Variants in CDC42BPA observed in about 807,000 individuals in gnomAD.
The protein encoded by CDC42BPA is CDC42 binding protein kinase alpha.
CDC42BPA carries 80 observed loss-of-function variants against 223.5 expected under a neutral mutation model. That is an observed-to-expected ratio of 0.36 (90% confidence interval 0.30 to 0.43). The LOEUF (loss-of-function observed/expected upper bound fraction) is 0.43, where lower values mean the gene tolerates loss of function less well. CDC42BPA is among the 20% of genes least tolerant of loss of function. CDC42BPA has a pLI of 1.00. For missense variants in CDC42BPA, 1,743 were observed against 2,099.9 expected, an observed-to-expected ratio of 0.83 and a Z score of 3.32; for synonymous variants, 694 against 718.6, an observed-to-expected ratio of 0.97 and a Z score of 0.55.
intron 21 of CDC42BPA, among the ~76,000 whole-genome samples, chr1:227,055,061 T>C (rs1406548988): frequency 6.6e-6 from 1 of 151,950 alleles, no homozygotes; most frequent in Non-Finnish European, 1.5e-5. Context: ...AACCTATGAA[T>C]ATAATAATTA....
rs183929759 is a variant in CDC42BPA at position 227,038,247 on chromosome 1, G to A, written c.3199+1884C>T. On this transcript the variant is annotated intron_variant, in intron 24 of 36. Coordinates refer to ENST00000366766, the MANE Select transcript of CDC42BPA (RefSeq NM_001394014.1). ...TCTCTTGCCTGCCGACATGTAAGAC[G>A]TGACTTTGCTCCTCTTTCACCTTCC... Among the ~76,000 whole-genome samples, 57 of 152,270 alleles carry A rather than the reference G, an allele frequency of 3.7e-4. No individual in the cohort carries two copies. In the South Asian group the frequency reaches 8.3e-3, roughly 22 times the overall value.
chr1:227,243,690 TTAAGAA>T (rs1311167541), intron 2 of CDC42BPA, among the ~76,000 whole-genome samples: 3 of 151,818 alleles, frequency 2.0e-5, no homozygotes, highest in African/African-American at 7.3e-5. Flanking sequence ...TCCATTAACA[TTAAGAA>T]TTTCTGTTCA....
intron 1 of CDC42BPA, among the ~76,000 whole-genome samples, chr1:227,276,237 G>A (rs1422032439): frequency 1.3e-5 from 2 of 148,400 alleles, no homozygotes; most frequent in African/African-American, 5.0e-5. Flanking sequence ...TGTGAGGAGC[G>A]CCTCTGCCCG....
At chr1:227,245,292 T>G in intron 2 of CDC42BPA, among the ~76,000 whole-genome samples, 1 of 105,502 alleles carries the variant, frequency 9.5e-6, no homozygotes, top group South Asian at 2.6e-4. Context: ...ATCTTTTTTT[T>G]TTTTTTTTTT....
At chr1:227,027,530 C>G (rs923671343) in intron 30 of CDC42BPA, among the ~76,000 whole-genome samples, 1 of 152,170 alleles carries the variant, frequency 6.6e-6, no homozygotes, top group South Asian at 2.1e-4. Flanking sequence ...ATGTAGTTCC[C>G]TAGGGTTTTT....
intron 6 of CDC42BPA, among the ~76,000 whole-genome samples, chr1:227,150,739 G>C (rs867431946): frequency 2.6e-5 from 4 of 151,604 alleles, no homozygotes; most frequent in Non-Finnish European, 5.9e-5. Flanking sequence ...AAAGAGGCAG[G>C]AGTAACCACC....
chr1:227,201,601 T>C (rs1671767911), intron 3 of CDC42BPA, among the ~76,000 whole-genome samples: 1 of 152,180 alleles, frequency 6.6e-6, no homozygotes, highest in Admixed American at 6.5e-5. Flanking sequence ...GTGCAGAGGT[T>C]ACCATTATTA....
At chr1:227,202,993 C>T (rs6695072) in intron 3 of CDC42BPA, among the ~76,000 whole-genome samples, 104,512 of 151,946 alleles carry the variant, frequency 0.69, 36,133 homozygotes, top group South Asian at 0.73. Context: ...AAATTTCAAA[C>T]GTATACAAGG....
chr1:227,193,235 AAT>A (rs1491257271), intron 5 of CDC42BPA, among the ~76,000 whole-genome samples: 5 of 74,892 alleles, frequency 6.7e-5, no homozygotes, highest in Non-Finnish European at 1.6e-4. Context: ...ACGCCCGGCT[AAT>A]TTTTTTTTGT....
rs1403422553 is a variant in CDC42BPA, at chr1:227,003,617, T to C, written c.4975+1377A>G. ...TACATTTCTCTCATTTTGAGGTAAGTAGCCTTTAGCATCTTTGTATAATTT... is the reference window on the plus strand; with the variant it reads ...TACATTTCTCTCATTTTGAGGTAAGCAGCCTTTAGCATCTTTGTATAATTT... On this transcript the variant is annotated intron_variant, in intron 35 of 36. Coordinates refer to ENST00000366766, the MANE Select transcript of CDC42BPA (RefSeq NM_001394014.1). 3.9e-5 allele frequency among the ~76,000 whole-genome samples: 6 copies of C among 152,194 alleles called. No individual in the cohort carries two copies. The East Asian group carries it at 1.2e-3, about 29-fold the overall frequency.
intron 21 of CDC42BPA, chr1:227,068,820 T>C (rs768936667): frequency 2.2e-5 from 5 of 223,798 alleles, no homozygotes; most frequent in Non-Finnish European, 4.6e-5. Context: ...TTCAAATAAA[T>C]AAATGAGAAA....
Position 227,029,222 on chromosome 1 carries a change from C to A in CDC42BPA, c.3867G>T (p.Lys1289Asn). 1 of 1,586,926 alleles carries A rather than the reference C, an allele frequency of 6.3e-7. No homozygotes were observed. The highest frequency in any genetic ancestry group is 1.1e-5 in the South Asian group (1 of 89,706). ...TTGGAATGAGTTCAATCTGATGAAT[C>A]TTCTTATTGTCACCAACTCTAATAA... is the stretch of plus-strand genomic sequence containing the variant. Reference protein sequence around the residue: ...DEIIRVGDNKKIHQIELIPND... With the variant: ...DEIIRVGDNKNIHQIELIPND... The change falls in exon 30 of 37, where the codon AAG becomes AAT. Residue 1289 changes from lysine (K) to asparagine (N), a missense_variant. Lys to Asn is a moderately conservative substitution (Grantham distance 94, BLOSUM62 0). Around this residue, in one of 6 missense-constraint regions of CDC42BPA, gnomAD observed 678 missense variants for 777.5 expected, o/e 0.87. Coordinates refer to ENST00000366766, the MANE Select transcript of CDC42BPA (RefSeq NM_001394014.1).
chr1:227,220,303 TATATATATAC>T (rs1306023844), intron 2 of CDC42BPA, among the ~76,000 whole-genome samples: 29 of 76,174 alleles, frequency 3.8e-4, no homozygotes, highest in African/African-American at 8.1e-4. Context: ...TATATATATA[TATATATATAC>T]ACACACACAC....
rs567681663 is a variant in CDC42BPA, at chr1:227,274,356, C to T, written c.179-20201G>A. On this transcript the variant is annotated intron_variant, in intron 1 of 36. Coordinates refer to ENST00000366766, the MANE Select transcript of CDC42BPA (RefSeq NM_001394014.1). ...GAGACTAGAAGTCACAGGAGAGGAT[C>T]CTTAGGAAGAGCATAAAAGAAAGTG... is the stretch of plus-strand genomic sequence containing the variant. Among the ~76,000 whole-genome samples the T allele has an allele frequency of 5.0e-4, 76 of 152,192 alleles. 2 individuals are homozygous for T. The South Asian group carries it at 0.015, about 29-fold the overall frequency.
At chr1:227,097,642 C>T (rs541805538) in intron 15 of CDC42BPA, among the ~76,000 whole-genome samples, 89 of 152,292 alleles carry the variant, frequency 5.8e-4, no homozygotes, top group Middle Eastern at 3.4e-3. Context: ...CAATAAGACT[C>T]AGGAGTTAGG....
Position 227,023,253 on chromosome 1 carries a change from A to G in CDC42BPA, c.4615+10T>C. On this transcript the variant is annotated intron_variant, in intron 32 of 36. Transcript: ENST00000366766. ...TGAAGCTATCCCTATGAATATATGTATTTTCTTACCTGCCATCTTATTTTT... is the reference window on the plus strand; with the variant it reads ...TGAAGCTATCCCTATGAATATATGTGTTTTCTTACCTGCCATCTTATTTTT... 1.6e-6 allele frequency: 2 copies of G among 1,245,330 alleles called. No individual in the cohort carries two copies. Among genetic ancestry groups the G allele is most frequent in the South Asian group, 2.6e-5 (2 of 77,484 alleles). The allele number at this position is 1,245,330 out of a possible 1,614,324, so 77.1% of individuals were successfully genotyped here. A position where few individuals can be genotyped will look rare whatever the true frequency, so the allele number is the denominator to read the frequency against.
chr1:227,084,957 T>C (rs193149790), intron 16 of CDC42BPA, among the ~76,000 whole-genome samples: 375 of 152,232 alleles, frequency 2.5e-3, no homozygotes, highest in South Asian at 5.4e-3. Context: ...GCACCAATAG[T>C]AGGGGGGAAC....
intron 5 of CDC42BPA, among the ~76,000 whole-genome samples, chr1:227,189,274 T>G (rs1669329300): frequency 6.6e-6 from 1 of 152,120 alleles, no homozygotes; most frequent in Admixed American, 6.6e-5. Context: ...TGAAAAATAC[T>G]GCCCAAAGAA....
At chr1:227,062,051 A>C (rs1676024284) in intron 21 of CDC42BPA, among the ~76,000 whole-genome samples, 1 of 152,228 alleles carries the variant, frequency 6.6e-6, no homozygotes, top group Non-Finnish European at 1.5e-5. Context: ...TAATTATTAC[A>C]TATGGGACTG....
Sources: allele counts gnomAD v4.1 joint callset (sites outside exome capture counted in the v4.1 genomes callset), GRCh38; gene constraint gnomAD v4.1.1; regional missense constraint gnomAD v4.1.1; transcripts MANE v1.5; gene names NCBI Gene and HGNC (gene_info 2026-07-23, HGNC 2026-07-21).